MLLT3: variants seen among roughly 807,000 people sequenced by gnomAD.
MLLT3 encodes protein AF-9.
A neutral mutation model predicts 53.2 loss-of-function variants in MLLT3; 4 were observed. The ratio of observed to expected loss-of-function variants is 0.08; its 90% CI spans 0.04 to 0.17. The LOEUF (loss-of-function observed/expected upper bound fraction) is 0.17. Among genes scored for constraint, MLLT3 ranks in the 10% least tolerant of loss-of-function variants. MLLT3 has a pLI of 1.00. For missense variants in MLLT3, 569 were observed against 684.0 expected (o/e 0.83, Z 1.87); for synonymous variants, 283 against 230.6 (o/e 1.23, Z -2.06).
intron 2 of MLLT3, among the ~76,000 whole-genome samples, chr9:20,525,128 A>G (rs1399865660): frequency 8.0e-5 from 11 of 137,568 alleles, no homozygotes; most frequent in African/African-American, 3.0e-4. Flanking sequence ...AGAAAGACTA[A>G]AAAAAAAAAA....
chr9:20,557,963 AC>A (rs1183394947), intron 2 of MLLT3, among the ~76,000 whole-genome samples: 2 of 152,246 alleles, frequency 1.3e-5, no homozygotes, highest in East Asian at 3.9e-4. Context: ...ACCAAAGAAA[AC>A]CAAAAAATAA....
At chr9:20,548,263 G>C (rs772918188) in intron 2 of MLLT3, among the ~76,000 whole-genome samples, 7 of 152,150 alleles carry the variant, frequency 4.6e-5, no homozygotes, top group Non-Finnish European at 1.0e-4. Context: ...TGTCTAACAG[G>C]AACAGGAAAA....
At chr9:20,564,771 C>A (rs936843601) in intron 2 of MLLT3, among the ~76,000 whole-genome samples, 3 of 152,200 alleles carry the variant, frequency 2.0e-5, no homozygotes, top group African/African-American at 7.2e-5. Context: ...AGTGGGCTCT[C>A]TTAATGCCTA....
chr9:20,581,399 C>T (rs1348221448), intron 2 of MLLT3, among the ~76,000 whole-genome samples: 1 of 152,168 alleles, frequency 6.6e-6, no homozygotes, highest in East Asian at 1.9e-4. Flanking sequence ...CACAGCAGTA[C>T]TTTGATCTGC....
rs10964570 is a variant in MLLT3 at position 20,480,848 on chromosome 9, C to A, written c.194-24062G>T. 1.1e-3 allele frequency among the ~76,000 whole-genome samples: 165 copies of A among 152,306 alleles called. 4 individuals carry two copies. In the East Asian group the frequency reaches 0.029, roughly 27 times the overall value. On this transcript the variant is annotated intron_variant, in intron 2 of 10. Transcript: ENST00000380338. ...TATATAGTAGATGCTCAGTTCTTTA[C>A]TGACCACCTATAAAATGCTAGGCAC...
chr9:20,495,956 A>G (rs1056846551), intron 2 of MLLT3, among the ~76,000 whole-genome samples: 1 of 152,202 alleles, frequency 6.6e-6, no homozygotes, highest in Non-Finnish European at 1.5e-5. Context: ...TCATAAGACA[A>G]TACCAAATAA....
intron 2 of MLLT3, among the ~76,000 whole-genome samples, chr9:20,511,889 A>G (rs1817759930): frequency 6.6e-6 from 1 of 152,154 alleles, no homozygotes; most frequent in South Asian, 2.1e-4. Flanking sequence ...GACATTAATA[A>G]TCTATCACAG....
rs11349024 is a variant in MLLT3 at position 20,573,123 on chromosome 9, CTT to C, written c.193+47529_193+47530del. Among the ~76,000 whole-genome samples the C allele has an allele frequency of 1.7e-3, 252 of 144,572 alleles. 1 individual carries two copies. The highest frequency in any genetic ancestry group is 0.014 in the East Asian group (70 of 4,930). 94.8% of individuals were successfully genotyped at this position (144,572 alleles called of 152,430 possible). ...AAGTAAAACTATCACAACAGGAGAA[CTT>C]TTTTTTTTTTTCGCTGTTGTGTTTT... On this transcript the variant is annotated intron_variant, in intron 2 of 10. Transcript: ENST00000380338.
chr9:20,591,744 T>A (rs1008206858), intron 2 of MLLT3, among the ~76,000 whole-genome samples: 9 of 152,170 alleles, frequency 5.9e-5, no homozygotes, highest in Non-Finnish European at 1.2e-4. Context: ...AGCAGATAAG[T>A]GAATGTGTAT....
At chr9:20,422,910 T>C (rs950648252) in intron 4 of MLLT3, among the ~76,000 whole-genome samples, 3 of 152,210 alleles carry the variant, frequency 2.0e-5, no homozygotes, top group Non-Finnish European at 4.4e-5. Flanking sequence ...CAGACTGATG[T>C]AGAAGTTTTA....
intron 2 of MLLT3, among the ~76,000 whole-genome samples, chr9:20,595,135 C>A (rs1173930318): frequency 1.3e-5 from 2 of 151,988 alleles, no homozygotes; most frequent in Admixed American, 1.3e-4. Flanking sequence ...TTCGGGAGGA[C>A]TATTTGAGCC....
rs552516659 is a variant in MLLT3 at position 20,620,154 on chromosome 9, G to T, written c.193+500C>A. ...CCTCATACACAGACAGGAAAGCACA[G>T]AAGACCCTAAAGAGAACCGACTTGC... is the stretch of plus-strand genomic sequence containing the variant. On this transcript the variant is annotated intron_variant, in intron 2 of 10. Coordinates refer to ENST00000380338, the MANE Select transcript of MLLT3 (RefSeq NM_004529.4). The surrounding 1 kb of genome is among the most constrained non-coding windows in gnomAD (Gnocchi z 6.1). 1.3e-5 allele frequency among the ~76,000 whole-genome samples: 2 copies of T among 151,924 alleles called. No homozygotes were observed. The highest frequency in any genetic ancestry group is 4.8e-5 in the African/African-American group (2 of 41,326).
At chr9:20,353,709 C>T in intron 9 of MLLT3, 113 bp from the exon 10 acceptor site, 2 of 882,338 alleles carry the variant, frequency 2.3e-6, no homozygotes, top group South Asian at 1.4e-5. Flanking sequence ...TTTCTCATTA[C>T]ACCACTCTAG....
intron 2 of MLLT3, among the ~76,000 whole-genome samples, chr9:20,606,720 T>C (rs1434551777): frequency 6.6e-6 from 1 of 151,988 alleles, no homozygotes. Flanking sequence ...AGTAAGCAAA[T>C]CATACAGGAG....
intron 2 of MLLT3, among the ~76,000 whole-genome samples, chr9:20,480,266 C>T (rs576493258): frequency 2.6e-5 from 4 of 152,198 alleles, no homozygotes; most frequent in Non-Finnish European, 5.9e-5. Context: ...CTTGTTGGGG[C>T]TTCCTGAGCC....
chr9:20,575,361 A>C (rs1190969591), intron 2 of MLLT3, among the ~76,000 whole-genome samples: 1 of 152,202 alleles, frequency 6.6e-6, no homozygotes, highest in East Asian at 1.9e-4. Flanking sequence ...TTGAATGTCA[A>C]AATTACAGAT....
At chr9:20,565,943 TATATATATATTTATATATATATATTTATA>T (rs762281954) in intron 2 of MLLT3, among the ~76,000 whole-genome samples, 81,079 of 120,700 alleles carry the variant, frequency 0.67, 25,334 homozygotes, top group East Asian at 0.72. Flanking sequence ...TATATTTATA[TATATATATATTTATATATATATATTTATA>T]TATATATATA....
At chr9:20,474,825 T>C (rs1824481688) in intron 2 of MLLT3, among the ~76,000 whole-genome samples, 1 of 152,096 alleles carries the variant, frequency 6.6e-6, no homozygotes, top group African/African-American at 2.4e-5. Flanking sequence ...AAAAATATGT[T>C]TTAATATATC....
At chr9:20,587,526 A>T (rs1026260714) in intron 2 of MLLT3, among the ~76,000 whole-genome samples, 1 of 121,064 alleles carries the variant, frequency 8.3e-6, no homozygotes, top group Non-Finnish European at 2.0e-5. Context: ...AAATTCTAAG[A>T]TAAAAGAAAA....
Sources: allele counts gnomAD v4.1 joint callset (sites outside exome capture counted in the v4.1 genomes callset), GRCh38; gene constraint gnomAD v4.1.1; non-coding constraint Gnocchi (gnomAD v3.1); transcripts MANE v1.5; gene names NCBI Gene and HGNC (gene_info 2026-07-23, HGNC 2026-07-21).